The following EFHD1 variants were observed in gnomAD, a reference collection of about 807,000 sequenced individuals.
EFHD1 encodes the protein EF-hand domain family member D1.
Under a neutral mutation model 17.2 loss-of-function variants are expected in EFHD1, and 10 were observed. That is an observed-to-expected ratio of 0.58 (90% confidence interval 0.36 to 0.99). The LOEUF is 0.99. EFHD1 is among the 50% of genes least tolerant of loss of function. The probability of loss-of-function intolerance (pLI) is 0.01; values close to 1 mark genes in which losing one functional copy is unlikely to be tolerated. For synonymous variants in EFHD1, 153 were observed against 142.0 expected, an observed-to-expected ratio of 1.08 and a Z score of -0.55; for missense variants, 310 against 327.5, an observed-to-expected ratio of 0.95 and a Z score of 0.41.
At chr2:232,627,246 GAA>G (rs1172175802) in intron 1 of EFHD1, among the ~76,000 whole-genome samples, 4 of 93,798 alleles carry the variant, frequency 4.3e-5, no homozygotes, top group Non-Finnish European at 9.3e-5. Flanking sequence ...AACACAAACA[GAA>G]AAAAAAAAAA....
At chr2:232,674,020 TG>T (rs1695127274) in intron 3 of EFHD1, among the ~76,000 whole-genome samples, 1 of 151,524 alleles carries the variant, frequency 6.6e-6, no homozygotes, top group African/African-American at 2.4e-5. Context: ...GCAATTCTCC[TG>T]CCTTAGCATC....
intron 3 of EFHD1, among the ~76,000 whole-genome samples, chr2:232,675,180 G>GAA (rs201545634): frequency 1.4e-4 from 5 of 34,906 alleles, no homozygotes; most frequent in African/African-American, 2.3e-4. Context: ...CACCTCAAAA[G>GAA]AAAAAAAAGA....
chr2:232,627,798 T>C (rs1269268724), intron 1 of EFHD1, among the ~76,000 whole-genome samples: 1 of 152,080 alleles, frequency 6.6e-6, no homozygotes, highest in Admixed American at 6.6e-5. Flanking sequence ...TAATGGCTTA[T>C]TATTATATTA....
At chr2:232,612,590 A>G (rs1263111871) in intron 1 of EFHD1, among the ~76,000 whole-genome samples, 2 of 152,116 alleles carry the variant, frequency 1.3e-5, no homozygotes, top group South Asian at 2.1e-4. Context: ...TTTCCACCCC[A>G]TTGGAGTGGC....
At chr2:232,607,861 A>T (rs1263682164) in intron 1 of EFHD1, among the ~76,000 whole-genome samples, 1 of 151,858 alleles carries the variant, frequency 6.6e-6, no homozygotes, top group Non-Finnish European at 1.5e-5. Context: ...TGAGAGGCCA[A>T]GTCGGGAGGA....
At chr2:232,655,110 C>A (rs1157147440) in intron 1 of EFHD1, among the ~76,000 whole-genome samples, 1 of 152,222 alleles carries the variant, frequency 6.6e-6, no homozygotes, top group East Asian at 1.9e-4. Context: ...TGTTGGAACA[C>A]GCTATGTGTG....
upstream of EFHD1, chr2:232,633,565 C>T: frequency 2.3e-6 from 3 of 1,302,874 alleles, no homozygotes; most frequent in Non-Finnish European, 2.9e-6. Context: ...CCAGTCCGTC[C>T]TCAGACCCTC....
At chr2:232,660,306 T>G (rs1225344521) in intron 1 of EFHD1, among the ~76,000 whole-genome samples, 8 of 152,094 alleles carry the variant, frequency 5.3e-5, no homozygotes, top group Non-Finnish European at 1.5e-5. Context: ...GCCATTCTCC[T>G]GCCTCAGCCT....
At chr2:232,636,519 A>G (rs547370686) in intron 1 of EFHD1, among the ~76,000 whole-genome samples, 37 of 152,316 alleles carry the variant, frequency 2.4e-4, no homozygotes, top group African/African-American at 8.4e-4. Flanking sequence ...TCACATATCC[A>G]TAATTTGGGT....
rs1266532482 is a variant in EFHD1, at chr2:232,644,950, T to TA, written c.302+10944_302+10945insA. Among the ~76,000 whole-genome samples, 142 of 146,660 alleles carry TA rather than the reference T, an allele frequency of 9.7e-4. 1 individual carries two copies. The highest frequency in any genetic ancestry group is 3.5e-3 in the African/African-American group (140 of 39,992). On this transcript the variant is annotated intron_variant, in intron 1 of 3. Transcript: ENST00000264059. ...AGCCACCATGCCTGGCAATTTTTTT[T>TA]TTTTTTTTTTTTTGAGAGATAGGTC...
intron 1 of EFHD1, among the ~76,000 whole-genome samples, chr2:232,618,670 C>T (rs1334024304): frequency 6.7e-6 from 1 of 148,854 alleles, no homozygotes; most frequent in Non-Finnish European, 1.5e-5. Flanking sequence ...CTGCAGTGAG[C>T]CATGATTGCA....
At chr2:232,659,654 T>TG (rs1327824142) in intron 1 of EFHD1, among the ~76,000 whole-genome samples, 1 of 152,192 alleles carries the variant, frequency 6.6e-6, no homozygotes, top group Non-Finnish European at 1.5e-5. Flanking sequence ...GGTGGGTTTT[T>TG]GTTACTGAGG....
At chr2:232,656,182 G>A (rs1694758924) in intron 1 of EFHD1, among the ~76,000 whole-genome samples, 1 of 152,146 alleles carries the variant, frequency 6.6e-6, no homozygotes, top group South Asian at 2.1e-4. Flanking sequence ...GAAGTGTGAG[G>A]TCTGTGTGGA....
In EFHD1 at chr2:232,681,604, C is replaced by T; in HGVS notation, c.605C>T (p.Ala202Val). 4 of 1,614,160 alleles carry T rather than the reference C, an allele frequency of 2.5e-6. No individual in the cohort carries two copies. Among genetic ancestry groups the T allele is most frequent in the Non-Finnish European group, 3.4e-6 (4 of 1,180,010 alleles). Residue 202 changes from alanine to valine, a missense_variant, in exon 4 of 4, where the codon GCC (alanine) becomes GTC (valine). Coordinates refer to ENST00000264059, the MANE Select transcript of EFHD1 (RefSeq NM_025202.4). Reference sequence around the variant, plus strand: ...CTGCAGGTCCAAGCCTTGTCATCGGCCAGTAAGTTTGAAGCAGAGTTGAAA... The same window carrying T: ...CTGCAGGTCCAAGCCTTGTCATCGGTCAGTAAGTTTGAAGCAGAGTTGAAA... ...FEAKVQALSS[A>V]SKFEAELKAE...
intron 1 of EFHD1, among the ~76,000 whole-genome samples, chr2:232,627,708 A>G (rs1481560213): frequency 6.6e-6 from 1 of 152,144 alleles, no homozygotes; most frequent in East Asian, 1.9e-4. Context: ...AATGTCTTCT[A>G]TATTTGCAAA....
At chr2:232,613,758 GCA>G (rs1402433190) in intron 1 of EFHD1, among the ~76,000 whole-genome samples, 11 of 78,942 alleles carry the variant, frequency 1.4e-4, no homozygotes, top group African/African-American at 5.1e-4. Flanking sequence ...ACACAAATAC[GCA>G]CACACATACA....
In EFHD1 at chr2:232,671,601, C is replaced by G. The variant is rs530029876; in HGVS notation, c.451-708C>G. ...AATTAGCGAGGCATGATGGTGCATC[C>G]CTGTAATCCCAGCTACTCGAGAGGC... On this transcript the variant is annotated intron_variant, in intron 2 of 3. Transcript: ENST00000264059. 2.8e-4 allele frequency among the ~76,000 whole-genome samples: 43 copies of G among 151,958 alleles called. 1 individual carries two copies. In the South Asian group the frequency reaches 8.1e-3, roughly 29 times the overall value.
At chr2:232,607,273 C>G (rs1559333438) in intron 1 of EFHD1, among the ~76,000 whole-genome samples, 4 of 151,930 alleles carry the variant, frequency 2.6e-5, no homozygotes, top group Non-Finnish European at 5.9e-5. Context: ...GAGATCCTAT[C>G]TGTACAAAAG....
rs201012653 is a variant in EFHD1, at chr2:232,623,656, C to CA, written c.14+17484dup. Among the ~76,000 whole-genome samples the CA allele has an allele frequency of 8.7e-3, 1,006 of 115,886 alleles. 20 individuals are homozygous for CA. Among genetic ancestry groups the CA allele is most frequent in the African/African-American group, 0.032 (942 of 29,306 alleles). 76.0% of individuals were successfully genotyped at this position (115,886 alleles called of 152,430 possible). A position where few individuals can be genotyped will look rare whatever the true frequency, so the allele number is the denominator to read the frequency against. On this transcript the variant is annotated intron_variant, in intron 1 of 3. Coordinates refer to the EFHD1 transcript ENST00000409613. ...TGCCATTGCACTCCAGCCTGGGCGACAGAGTGAGTCTCTGTCCAAAAAAAA... is the reference window on the plus strand; with the variant it reads ...TGCCATTGCACTCCAGCCTGGGCGACAAGAGTGAGTCTCTGTCCAAAAAAAA...
Sources: allele counts gnomAD v4.1 joint callset (sites outside exome capture counted in the v4.1 genomes callset), GRCh38; gene constraint gnomAD v4.1.1; transcripts MANE v1.5; gene names NCBI Gene and HGNC (gene_info 2026-07-23, HGNC 2026-07-21).